PPP1R9A: variants seen among roughly 807,000 people sequenced by gnomAD.
PPP1R9A encodes neurabin-1.
A neutral mutation model predicts 141.9 loss-of-function variants in PPP1R9A; 59 were observed. That is an observed-to-expected ratio of 0.42 (90% CI 0.34 to 0.52). PPP1R9A has a LOEUF of 0.52. PPP1R9A is among the 20% of genes least tolerant of loss of function. The pLI, the probability that PPP1R9A is intolerant of heterozygous loss-of-function variation, is 0.10. For synonymous variants in PPP1R9A, 500 were observed against 569.7 expected, an observed-to-expected ratio of 0.88 and a Z score of 1.74; for missense variants, 1,444 against 1,611.9, an observed-to-expected ratio of 0.90 and a Z score of 1.78.
intron 2 of PPP1R9A, among the ~76,000 whole-genome samples, chr7:95,064,905 A>G (rs1193934652): frequency 6.6e-6 from 1 of 152,216 alleles, no homozygotes; most frequent in Non-Finnish European, 1.5e-5. Flanking sequence ...CCACATTTGT[A>G]TAATGTCTTA....
chr7:95,274,277 T>C (rs1268071984), intron 16 of PPP1R9A, 109 bp downstream of exon 16: 2 of 1,010,076 alleles, frequency 2.0e-6, no homozygotes, highest in Non-Finnish European at 1.4e-6. Context: ...TAAAGTGATA[T>C]GCCAAGAATT....
chr7:95,101,853 T>C (rs1397026100), intron 2 of PPP1R9A, among the ~76,000 whole-genome samples: 1 of 152,212 alleles, frequency 6.6e-6, no homozygotes, highest in Non-Finnish European at 1.5e-5. Flanking sequence ...TTTTTACATG[T>C]ATTAATCTTT....
chr7:95,188,085 T>C (rs879871814), intron 5 of PPP1R9A, among the ~76,000 whole-genome samples: 4 of 152,202 alleles, frequency 2.6e-5, no homozygotes, highest in East Asian at 1.9e-4. Context: ...CAGGTGAGTA[T>C]TGAAGTCCCC....
chr7:95,247,383 A>G (rs1038109417), intron 8 of PPP1R9A, 90 bp from the exon 9 acceptor site: 14 of 1,034,706 alleles, frequency 1.4e-5, no homozygotes, highest in Non-Finnish European at 7.3e-6. Flanking sequence ...GCCTTTTACT[A>G]TGTAATAAGG....
At chr7:94,955,899 T>C (rs1489446189) in intron 2 of PPP1R9A, among the ~76,000 whole-genome samples, 1 of 152,132 alleles carries the variant, frequency 6.6e-6, no homozygotes, top group African/African-American at 2.4e-5. Flanking sequence ...CCTGTCTTGC[T>C]TTCTGTGTTT....
chr7:95,183,693 C>T (rs747155204), intron 5 of PPP1R9A, among the ~76,000 whole-genome samples: 22 of 151,784 alleles, frequency 1.4e-4, no homozygotes, highest in East Asian at 9.7e-4. Context: ...GTGGTCCACC[C>T]GCCTCGGGCT....
At chr7:95,148,214 A>G (rs1827995071) in intron 4 of PPP1R9A, among the ~76,000 whole-genome samples, 1 of 152,154 alleles carries the variant, frequency 6.6e-6, no homozygotes, top group African/African-American at 2.4e-5. Context: ...TTAGGGCAGA[A>G]TTCAGTGAAA....
At chr7:94,995,300 C>G (rs899851815) in intron 2 of PPP1R9A, among the ~76,000 whole-genome samples, 10 of 151,916 alleles carry the variant, frequency 6.6e-5, no homozygotes, top group Non-Finnish European at 1.5e-4. Flanking sequence ...CCATGTTTCT[C>G]ATGCTTGGGT....
At position 94,983,690 on chromosome 7, in the gene PPP1R9A, G is replaced by A. The variant is rs566217166; in HGVS notation, c.1395+72182G>A. ...TTTGCACATTGATTTTGTATCCTGCGACTTTGCTGAAGTTGCTTATCAGCC... is the reference window on the plus strand; with the variant it reads ...TTTGCACATTGATTTTGTATCCTGCAACTTTGCTGAAGTTGCTTATCAGCC... On this transcript the variant is annotated intron_variant, in intron 2 of 19. Coordinates refer to ENST00000433360, the MANE Select transcript of PPP1R9A (RefSeq NM_001166160.2). Among the ~76,000 whole-genome samples, 12 of 152,266 alleles carry A rather than the reference G, an allele frequency of 7.9e-5. No homozygotes were observed. In the East Asian group the frequency reaches 1.5e-3, roughly 20 times the overall value.
intron 3 of PPP1R9A, among the ~76,000 whole-genome samples, chr7:95,114,947 G>T (rs1821219879): frequency 6.8e-6 from 1 of 146,382 alleles, no homozygotes; most frequent in African/African-American, 2.5e-5. Flanking sequence ...CAGAGGAAAA[G>T]CTATATCCTT....
At chr7:94,938,647 T>C (rs925533479) in intron 2 of PPP1R9A, among the ~76,000 whole-genome samples, 22 of 152,216 alleles carry the variant, frequency 1.4e-4, no homozygotes, top group Non-Finnish European at 2.2e-4. Flanking sequence ...TGAATGATTA[T>C]GCTGTTGAAA....
In PPP1R9A at chr7:95,251,873, CT is replaced by C; in HGVS notation, c.2493+16del. On this transcript the variant is annotated intron_variant, in intron 11 of 19. Transcript: ENST00000433360. ...TCCAAGTGCGGGTAAGTTGTGTTCC[CT>C]AAGACACTAAATAATAAGATGGTTT... is the stretch of plus-strand genomic sequence containing the variant. The C allele has an allele frequency of 6.2e-7, 1 of 1,612,450 alleles. No individual in the cohort carries two copies. Among genetic ancestry groups the C allele is most frequent in the East Asian group, 2.2e-5 (1 of 44,832 alleles).
chr7:95,167,576 G>A (rs1357647048), intron 5 of PPP1R9A, among the ~76,000 whole-genome samples: 1 of 152,044 alleles, frequency 6.6e-6, no homozygotes, highest in Non-Finnish European at 1.5e-5. Context: ...AGAAATAAAA[G>A]GCATCTGAAT....
At position 95,269,605 on chromosome 7, in the gene PPP1R9A, CTAA is replaced by C. The variant is rs1419344514; in HGVS notation, c.3124+103_3124+105del. 4.4e-6 allele frequency: 4 copies of C among 917,342 alleles called. No homozygotes were observed. In the Admixed American group the frequency reaches 1.2e-4, roughly 27 times the overall value. The allele number at this position is 917,342 out of a possible 1,614,324, so 56.8% of individuals were successfully genotyped here. On this transcript the variant is annotated intron_variant, in intron 14 of 19. Coordinates refer to ENST00000433360, the MANE Select transcript of PPP1R9A (RefSeq NM_001166160.2). ...TCATAAGTCATTTGTTTTCTCATAG[CTAA>C]TAATTAATATTAATTTCTTTTTATA...
intron 5 of PPP1R9A, among the ~76,000 whole-genome samples, chr7:95,192,900 G>A (rs1835716263): frequency 6.6e-6 from 1 of 152,024 alleles, no homozygotes; most frequent in African/African-American, 2.4e-5. Flanking sequence ...TATAAAGACA[G>A]CTTAAAATAG....
chr7:95,115,163 A>C (rs145030652), intron 3 of PPP1R9A, among the ~76,000 whole-genome samples: 1 of 152,170 alleles, frequency 6.6e-6, no homozygotes, highest in Non-Finnish European at 1.5e-5. Context: ...TATATCAATC[A>C]TAATACTGAG....
At chr7:95,160,269 G>A (rs1830278074) in intron 4 of PPP1R9A, among the ~76,000 whole-genome samples, 1 of 152,068 alleles carries the variant, frequency 6.6e-6, no homozygotes, top group African/African-American at 2.4e-5. Flanking sequence ...AGGATTCCCT[G>A]TAATTCCTGG....
chr7:94,995,893 TG>T (rs1802106298), intron 2 of PPP1R9A, among the ~76,000 whole-genome samples: 1 of 152,214 alleles, frequency 6.6e-6, no homozygotes, highest in African/African-American at 2.4e-5. Flanking sequence ...TAGATATTTT[TG>T]TATTTCTATA....
chr7:95,166,148 CAAAAAAAA>C (rs201112181), intron 5 of PPP1R9A, among the ~76,000 whole-genome samples: 60 of 104,434 alleles, frequency 5.7e-4, no homozygotes, highest in Non-Finnish European at 5.2e-4. Context: ...AACTCCATTT[CAAAAAAAA>C]AAAAAAAAAA....
Sources: allele counts gnomAD v4.1 joint callset (sites outside exome capture counted in the v4.1 genomes callset), GRCh38; gene constraint gnomAD v4.1.1; transcripts MANE v1.5; gene names NCBI Gene and HGNC (gene_info 2026-07-23, HGNC 2026-07-21).